The following ZBTB16 variants were observed in gnomAD, a reference collection of about 807,000 sequenced individuals.
The protein encoded by ZBTB16 is zinc finger and BTB domain containing 16.
ZBTB16 carries 8 observed loss-of-function variants against 56.8 expected under a neutral mutation model. The observed-to-expected ratio is 0.14, with a 90% CI of 0.08 to 0.25. The LOEUF (loss-of-function observed/expected upper bound fraction) is 0.25. ZBTB16 is among the 10% of genes least tolerant of loss of function. The pLI is 1.00. For missense variants in ZBTB16, 625 were observed against 903.0 expected, an observed-to-expected ratio of 0.69 and a Z score of 3.95; for synonymous variants, 363 against 368.5, an observed-to-expected ratio of 0.98 and a Z score of 0.17.
In ZBTB16 at chr11:114,070,329, C is replaced by T. The variant is rs997345928; in HGVS notation, c.1268+5761C>T. 2.6e-5 allele frequency among the ~76,000 whole-genome samples: 4 copies of T among 151,362 alleles called. No homozygotes were observed. In the East Asian group the frequency reaches 5.8e-4, roughly 22 times the overall value. ...TTCACCTTGTTAGCCAGGATGGTCT[C>T]GATCTCCTGACCTCATGATCCACCC... On this transcript the variant is annotated intron_variant, in intron 2 of 6. Transcript: ENST00000335953.
chr11:114,224,908 GT>G (rs1180486687), intron 4 of ZBTB16, among the ~76,000 whole-genome samples: 2 of 152,216 alleles, frequency 1.3e-5, no homozygotes, highest in Admixed American at 1.3e-4. Context: ...AAGGCAAACA[GT>G]TTTGGTGTCA....
intron 3 of ZBTB16, among the ~76,000 whole-genome samples, chr11:114,173,682 C>T (rs1199006801): frequency 1.3e-5 from 2 of 152,208 alleles, no homozygotes; most frequent in African/African-American, 4.8e-5. Context: ...TGGGGAAGAG[C>T]AGAGGCCTTT....
In ZBTB16 at chr11:114,064,161, C is replaced by T. The variant is rs373185527; in HGVS notation, c.861C>T (p.Ser287=). 9.9e-6 allele frequency: 16 copies of T among 1,613,876 alleles called. No homozygotes were observed. Among genetic ancestry groups the T allele is most frequent in the African/African-American group, 4.0e-5 (3 of 75,042 alleles). The change falls in exon 2 of 7, where the codon AGC becomes AGT. Residue 287 remains serine (S), a synonymous_variant. Transcript: ENST00000335953. This position sits in a 1 kb window ranked among gnomAD's most constrained non-coding sequence, Gnocchi z 4.2. The part of the protein sequence containing the change: ...KEGPGTPTRS[S]VITSARELHY... Reference sequence around the variant, plus strand: ...GGCCTGGGACCCCGACTCGAAGCAGCGTCATCACCAGTGCTAGGGAGCTAC... The same window carrying T: ...GGCCTGGGACCCCGACTCGAAGCAGTGTCATCACCAGTGCTAGGGAGCTAC...
chr11:114,252,195 T>G lies in ZBTB16; in HGVS notation c.*1640T>G, dbSNP rs1944929579. 6.6e-6 allele frequency among the ~76,000 whole-genome samples: 1 copy of G among 152,056 alleles called. No homozygotes were observed. Among genetic ancestry groups the G allele is most frequent in the African/African-American group, 2.4e-5 (1 of 41,414 alleles). ...AGTCACTTTTGGCTCCGCTGGTGCATGAAGTCACCTGTGGCCACCATCCGT... is the reference window on the plus strand; with the variant it reads ...AGTCACTTTTGGCTCCGCTGGTGCAGGAAGTCACCTGTGGCCACCATCCGT... On this transcript the variant is annotated 3_prime_UTR_variant, in exon 7 of 7. Coordinates refer to ENST00000335953, the MANE Select transcript of ZBTB16 (RefSeq NM_006006.6).
intron 3 of ZBTB16, among the ~76,000 whole-genome samples, chr11:114,185,106 G>T (rs926839528): frequency 2.6e-5 from 4 of 152,086 alleles, no homozygotes; most frequent in Admixed American, 6.5e-5. Flanking sequence ...TACTCAGGAG[G>T]CTGAGGTGGG....
chr11:114,218,668 A>G (rs1944162215), intron 4 of ZBTB16, among the ~76,000 whole-genome samples: 1 of 152,238 alleles, frequency 6.6e-6, no homozygotes, highest in Non-Finnish European at 1.5e-5. Flanking sequence ...AGCACTGTTA[A>G]ATTGAGATAT....
intron 2 of ZBTB16, among the ~76,000 whole-genome samples, chr11:114,095,210 G>T (rs978747588): frequency 1.4e-5 from 2 of 141,870 alleles, no homozygotes; most frequent in African/African-American, 5.5e-5. Context: ...CCACAGTGTC[G>T]TGTCTTATGT....
chr11:114,063,776 C>T lies in ZBTB16; in HGVS notation c.476C>T (p.Ser159Leu), dbSNP rs771820953. 7 of 1,614,068 alleles carry T rather than the reference C, an allele frequency of 4.3e-6. No individual in the cohort carries two copies. The highest frequency in any genetic ancestry group is 5.1e-6 in the Non-Finnish European group (6 of 1,180,036). ...KARYLKNIFI[S>L]KHSSEESGYA... ...CGGTACCTCAAGAACATCTTCATCT[C>T]GAAGCATTCCAGCGAGGAGAGTGGG... The change falls in exon 2 of 7, where the codon TCG (serine) becomes TTG (leucine). Residue 159 changes from serine to leucine, a missense_variant. Around this residue, in one of 6 missense-constraint regions of ZBTB16, gnomAD observed 384 missense variants for 393.5 expected, o/e 0.98. Transcript: ENST00000335953. The surrounding 1 kb of genome is among the most constrained non-coding windows in gnomAD (Gnocchi z 6.5).
At chr11:114,187,546 AG>A in intron 4 of ZBTB16, 1 of 189,630 alleles carries the variant, frequency 5.3e-6, no homozygotes, top group Non-Finnish European at 1.1e-5. Context: ...TTGATTTCAA[AG>A]GGATTGATTT....
chr11:114,167,235 T>TG (rs1942791417), intron 3 of ZBTB16, among the ~76,000 whole-genome samples: 8 of 99,668 alleles, frequency 8.0e-5, no homozygotes, highest in South Asian at 6.3e-4. Flanking sequence ...TTTTTTGGTT[T>TG]TTTTTTTTTT....
intron 3 of ZBTB16, 25 bp downstream of exon 3, chr11:114,156,459 C>G (rs372815069): frequency 1.2e-5 from 20 of 1,607,226 alleles, no homozygotes; most frequent in Admixed American, 5.0e-5. Context: ...CTTAGTGGCC[C>G]GTTCAGATAC....
intron 4 of ZBTB16, among the ~76,000 whole-genome samples, chr11:114,191,861 GA>G (rs953526470): frequency 1.3e-5 from 2 of 152,170 alleles, no homozygotes; most frequent in Non-Finnish European, 2.9e-5. Flanking sequence ...AGGGAAGGGG[GA>G]AAAGTAGTCC....
chr11:114,083,947 T>A (rs987504082), intron 2 of ZBTB16, among the ~76,000 whole-genome samples: 1 of 152,182 alleles, frequency 6.6e-6, no homozygotes, highest in Admixed American at 6.5e-5. Context: ...ATGATAAATC[T>A]TCTATCACTG....
chr11:114,074,487 G>A (rs1044640868), intron 2 of ZBTB16, among the ~76,000 whole-genome samples: 11 of 152,172 alleles, frequency 7.2e-5, no homozygotes, highest in African/African-American at 2.7e-4. Flanking sequence ...GGTCTACTAT[G>A]GCAAAACCCT....
intron 4 of ZBTB16, among the ~76,000 whole-genome samples, chr11:114,206,395 C>A (rs1256148473): frequency 6.6e-6 from 1 of 152,198 alleles, no homozygotes; most frequent in Non-Finnish European, 1.5e-5. Context: ...TGGTCTTAGA[C>A]CACTGCTTCT....
chr11:114,089,119 C>A (rs886134282), intron 2 of ZBTB16, among the ~76,000 whole-genome samples: 2 of 152,224 alleles, frequency 1.3e-5, no homozygotes, highest in Non-Finnish European at 2.9e-5. Context: ...TGTGGAAGAG[C>A]CTTCATGAAG....
At chr11:114,068,392 C>G (rs1040000697) in intron 2 of ZBTB16, among the ~76,000 whole-genome samples, 1 of 152,118 alleles carries the variant, frequency 6.6e-6, no homozygotes, top group African/African-American at 2.4e-5. Flanking sequence ...GCTGTTGGCT[C>G]AACAGATAGT....
intron 3 of ZBTB16, among the ~76,000 whole-genome samples, chr11:114,181,843 C>T (rs1406755180): frequency 6.6e-6 from 1 of 152,152 alleles, no homozygotes; most frequent in Non-Finnish European, 1.5e-5. Context: ...CCCTTAACTT[C>T]CCCCAGCCCC....
At chr11:114,233,149 T>C (rs1944494630) in intron 4 of ZBTB16, among the ~76,000 whole-genome samples, 1 of 148,304 alleles carries the variant, frequency 6.7e-6, no homozygotes, top group African/African-American at 2.5e-5. Flanking sequence ...ACACTCCCTT[T>C]CCTTCTTCCT....
Sources: gnomAD v4.1 joint callset for allele counts (sites outside exome capture counted in the v4.1 genomes callset) on GRCh38, gnomAD v4.1.1 for gene constraint, gnomAD v4.1.1 regional missense constraint, Gnocchi (gnomAD v3.1) non-coding constraint, MANE v1.5 for transcripts, NCBI Gene and HGNC (gene_info 2026-07-23, HGNC 2026-07-21) for gene names.